MMP16: variants seen among roughly 807,000 people sequenced by gnomAD.
MMP16 encodes matrix metallopeptidase 16.
A neutral mutation model predicts 67.8 loss-of-function variants in MMP16; 12 were observed. The observed-to-expected ratio is 0.18, with a 90% confidence interval of 0.11 to 0.29. The LOEUF is 0.29. Among genes scored for constraint, MMP16 ranks in the 10% least tolerant of loss-of-function variants. The pLI, the probability that MMP16 is intolerant of heterozygous loss-of-function variation, is 1.00. For synonymous variants in MMP16, 249 were observed against 255.9 expected, an observed-to-expected ratio of 0.97 and a Z score of 0.26; for missense variants, 475 against 765.7, an observed-to-expected ratio of 0.62 and a Z score of 4.48.
chr8:88,263,987 A>AGTGTGTGT (rs56663859), intron 1 of MMP16, among the ~76,000 whole-genome samples: 1 of 142,120 alleles, frequency 7.0e-6, no homozygotes, highest in Non-Finnish European at 1.5e-5. Flanking sequence ...AGAGAGAGAG[A>AGTGTGTGT]GTGTGTGTGT....
At chr8:88,116,278 G>T (rs1444673511) in intron 6 of MMP16, among the ~76,000 whole-genome samples, 2 of 151,834 alleles carry the variant, frequency 1.3e-5, no homozygotes, top group Non-Finnish European at 2.9e-5. Flanking sequence ...CACATTTTAG[G>T]CATTTTAGCT....
At chr8:88,055,972 A>G (rs1808327479) in intron 8 of MMP16, among the ~76,000 whole-genome samples, 156 bp downstream of exon 8, 1 of 152,222 alleles carries the variant, frequency 6.6e-6, no homozygotes, top group South Asian at 2.1e-4. Flanking sequence ...TTTATCTTAA[A>G]TATTATTTGA....
intron 1 of MMP16, among the ~76,000 whole-genome samples, chr8:88,277,127 CT>C (rs1221762292): frequency 6.6e-6 from 1 of 152,042 alleles, no homozygotes; most frequent in African/African-American, 2.4e-5. Context: ...TACATATTAA[CT>C]ATTCTGAAGT....
chr8:88,143,124 A>G (rs1336678350), intron 4 of MMP16, among the ~76,000 whole-genome samples: 1 of 152,122 alleles, frequency 6.6e-6, no homozygotes, highest in East Asian at 1.9e-4. Flanking sequence ...ATTGTCTTGA[A>G]TTTAAAATAT....
At chr8:88,181,423 T>C (rs1166645562) in intron 3 of MMP16, among the ~76,000 whole-genome samples, 1 of 151,906 alleles carries the variant, frequency 6.6e-6, no homozygotes, top group South Asian at 2.1e-4. Flanking sequence ...AAAAACATAA[T>C]ACCATTTAAA....
chr8:88,086,798 G>A (rs1394173444), intron 6 of MMP16, among the ~76,000 whole-genome samples: 1 of 151,802 alleles, frequency 6.6e-6, no homozygotes, highest in African/African-American at 2.4e-5. Context: ...AAAGCATCAT[G>A]TTATATTTTC....
At chr8:88,247,935 C>A (rs1563573379) in intron 1 of MMP16, among the ~76,000 whole-genome samples, 2 of 151,970 alleles carry the variant, frequency 1.3e-5, no homozygotes, top group Non-Finnish European at 2.9e-5. Context: ...TTGACGTCAT[C>A]AAAGTAATTA....
intron 6 of MMP16, among the ~76,000 whole-genome samples, chr8:88,084,469 A>AG (rs1283682881): frequency 6.6e-6 from 1 of 151,824 alleles, no homozygotes; most frequent in Non-Finnish European, 1.5e-5. Context: ...AAAAGGAGGA[A>AG]AAAAAAAGAA....
chr8:88,123,746 C>A (rs1377493896), intron 4 of MMP16, among the ~76,000 whole-genome samples: 1 of 151,864 alleles, frequency 6.6e-6, no homozygotes, highest in Non-Finnish European at 1.5e-5. Context: ...CCTGGGGGCA[C>A]AGGTCACCTA....
At chr8:88,081,371 C>T (rs866774869) in intron 6 of MMP16, among the ~76,000 whole-genome samples, 1 of 152,126 alleles carries the variant, frequency 6.6e-6, no homozygotes, top group Admixed American at 6.5e-5. Context: ...CAGAATTTCT[C>T]AGAAAATTTC....
chr8:88,232,409 T>G (rs546726147), intron 1 of MMP16, among the ~76,000 whole-genome samples: 3 of 152,274 alleles, frequency 2.0e-5, no homozygotes, highest in Admixed American at 2.0e-4. Flanking sequence ...TTGGCAGAAC[T>G]ACACTTACTA....
At chr8:88,091,097 C>T (rs1382104) in intron 6 of MMP16, among the ~76,000 whole-genome samples, 97,963 of 151,478 alleles carry the variant, frequency 0.65, 32,846 homozygotes, top group African/African-American at 0.82. Flanking sequence ...GATTCAATCA[C>T]CATAATTAAA....
chr8:88,148,209 T>C (rs1808327161), intron 4 of MMP16, among the ~76,000 whole-genome samples: 1 of 152,150 alleles, frequency 6.6e-6, no homozygotes, highest in East Asian at 1.9e-4. Context: ...GTCTGCTCAA[T>C]TCTGTGATTC....
At chr8:88,115,040 G>A (rs968528395) in intron 6 of MMP16, among the ~76,000 whole-genome samples, 21 of 152,092 alleles carry the variant, frequency 1.4e-4, no homozygotes, top group African/African-American at 4.8e-4. Context: ...AGGCTCCTCT[G>A]AAATCAGCAA....
At chr8:88,161,963 C>T (rs1057483453) in intron 4 of MMP16, among the ~76,000 whole-genome samples, 1 of 152,014 alleles carries the variant, frequency 6.6e-6, no homozygotes, top group Non-Finnish European at 1.5e-5. Flanking sequence ...CTGATGAGTG[C>T]TTTACTTCCA....
chr8:88,244,075 T>A (rs999544265), intron 1 of MMP16, among the ~76,000 whole-genome samples: 2 of 152,122 alleles, frequency 1.3e-5, no homozygotes, highest in South Asian at 2.1e-4. Context: ...TAAAGAACCT[T>A]TAGAATTAAG....
At chr8:88,056,016 G>T in intron 8 of MMP16, 112 bp downstream of exon 8, 2 of 728,316 alleles carry the variant, frequency 2.7e-6, no homozygotes, top group Non-Finnish European at 4.1e-6. Flanking sequence ...ATTAACTCCT[G>T]TGTTAAATCC....
intron 5 of MMP16, 54 bp downstream of exon 5, chr8:88,118,646 A>G: frequency 4.0e-6 from 6 of 1,501,420 alleles, no homozygotes; most frequent in Non-Finnish European, 5.5e-6. Flanking sequence ...AAAACACAGC[A>G]GAAATTCTGG....
At chr8:88,146,696 G>C (rs1003355018) in intron 4 of MMP16, among the ~76,000 whole-genome samples, 1 of 149,498 alleles carries the variant, frequency 6.7e-6, no homozygotes, top group Non-Finnish European at 1.5e-5. Flanking sequence ...TTCTTTTTTT[G>C]GCTATTAAAA....
Sources: gnomAD v4.1 joint callset for allele counts (sites outside exome capture counted in the v4.1 genomes callset) on GRCh38, gnomAD v4.1.1 for gene constraint, MANE v1.5 for transcripts, NCBI Gene and HGNC (gene_info 2026-07-23, HGNC 2026-07-21) for gene names.